PROZ: variants seen among roughly 807,000 people sequenced by gnomAD.
PROZ encodes the protein vitamin K-dependent protein Z.
Under a neutral mutation model 34.9 loss-of-function variants are expected in PROZ, and 46 were observed. The ratio of observed to expected loss-of-function variants is 1.32; its 90% CI spans 1.04 to 1.69. PROZ has a LOEUF of 1.69. PROZ is among the 40% of genes most tolerant of loss of function. The pLI is 0.00. For synonymous variants in PROZ, 195 were observed against 208.5 expected, an observed-to-expected ratio of 0.94 and a Z score of 0.56; for missense variants, 530 against 520.4, an observed-to-expected ratio of 1.02 and a Z score of -0.18.
chr13:113,164,178 C>T (rs1340100615), intron 4 of PROZ, among the ~76,000 whole-genome samples: 3 of 152,024 alleles, frequency 2.0e-5, no homozygotes, highest in Non-Finnish European at 2.9e-5. Context: ...TGGGGTTTCA[C>T]CATGTTGGCC....
chr13:113,160,927 T>G, intron 2 of PROZ, 21 bp from the exon 3 acceptor site: 1 of 1,589,028 alleles, frequency 6.3e-7, no homozygotes, highest in Non-Finnish European at 8.6e-7. Context: ...TTTGTAACAT[T>G]TTTATGTTTT....
intron 3 of PROZ, 131 bp from the exon 4 acceptor site, chr13:113,162,878 C>T (rs1324030358): frequency 1.0e-5 from 7 of 672,132 alleles, no homozygotes; most frequent in African/African-American, 1.9e-5. Flanking sequence ...CTCAGGTCCC[C>T]GTCCCTGCTG....
At chr13:113,160,318 G>A (rs890002632) in intron 2 of PROZ, 141 bp downstream of exon 2, 4 of 1,121,522 alleles carry the variant, frequency 3.6e-6, no homozygotes, top group Non-Finnish European at 5.4e-6. Flanking sequence ...CAGTTTTACA[G>A]ATGAGGAAAC....
chr13:113,165,213 T>C, intron 6 of PROZ, 93 bp downstream of exon 6: 1 of 1,332,916 alleles, frequency 7.5e-7, no homozygotes, highest in Non-Finnish European at 1.1e-6. Flanking sequence ...ACTAAGTGAA[T>C]CAGGCATCCT....
chr13:113,169,683 C>T (rs3024786), intron 6 of PROZ, among the ~76,000 whole-genome samples: 2,786 of 152,342 alleles, frequency 0.018, 40 homozygotes, highest in Non-Finnish European at 0.031. Flanking sequence ...TTCTATGCAT[C>T]CTGCCCCGTG....
chr13:113,161,051 AC>A, intron 3 of PROZ, 79 bp downstream of exon 3: 3 of 1,287,170 alleles, frequency 2.3e-6, no homozygotes, highest in Non-Finnish European at 3.4e-6. Flanking sequence ...ACGCTTCACG[AC>A]CCCAGCTCAG....
At chr13:113,161,518 C>T (rs879039156) in intron 3 of PROZ, among the ~76,000 whole-genome samples, 1 of 152,220 alleles carries the variant, frequency 6.6e-6, no homozygotes, top group African/African-American at 2.4e-5. Context: ...GCTGCAGCCA[C>T]CACCAGACAA....
In PROZ at chr13:113,164,588, G is replaced by A. The variant is rs199965278; in HGVS notation, c.449G>A (p.Cys150Tyr). ...CTCCCAGGACAGGAATCCTACACAT[G>A]CAGCTGTGCTCAGGGCTACAGGCTT... ...FCLPGQESYT[C>Y]SCAQGYRLGE... The change falls in exon 5 of 8, where the codon TGC (cysteine) becomes TAC (tyrosine). Residue 150 changes from cysteine to tyrosine, a missense_variant. Cys to Tyr is a radical substitution (Grantham distance 194). Transcript: ENST00000375547. The A allele has an allele frequency of 5.0e-6, 8 of 1,613,612 alleles. No individual in the cohort carries two copies. The highest frequency in any genetic ancestry group is 6.8e-6 in the Non-Finnish European group (8 of 1,179,990).
At chr13:113,166,033 G>A (rs989475065) in intron 6 of PROZ, 1 of 152,068 alleles carries the variant, frequency 6.6e-6, no homozygotes, top group Non-Finnish European at 1.5e-5. Flanking sequence ...TTGTTATTAT[G>A]GTTTTATACC....
chr13:113,167,958 A>C (rs2036991928), intron 6 of PROZ, among the ~76,000 whole-genome samples: 1 of 151,682 alleles, frequency 6.6e-6, no homozygotes, highest in African/African-American at 2.4e-5. Context: ...CGGTTGCTTC[A>C]CAGTTTGGAG....
intron 6 of PROZ, 156 bp downstream of exon 6, chr13:113,165,276 C>T: frequency 1.3e-6 from 1 of 747,402 alleles, no homozygotes; most frequent in Non-Finnish European, 2.3e-6. Flanking sequence ...CACTTCCAAC[C>T]ATGTTCTAAT....
rs374766035 is a variant in PROZ at position 113,159,665 on chromosome 13, A to C, written c.71-349A>C. On this transcript the variant is annotated intron_variant, in intron 1 of 7. Coordinates refer to ENST00000375547, the MANE Select transcript of PROZ (RefSeq NM_003891.3). The surrounding 1 kb of genome is among the most constrained non-coding windows in gnomAD (Gnocchi z 4.6). ...CAGGAGCTGATGGCTCTTGGTCCCC[A>C]GTTCTCAGTACGGGGACCTTTGACC... Among the ~76,000 whole-genome samples, 267 of 152,338 alleles carry C rather than the reference A, an allele frequency of 1.8e-3. 1 individual carries two copies. Among genetic ancestry groups the C allele is most frequent in the African/African-American group, 6.1e-3 (253 of 41,580 alleles).
In PROZ at chr13:113,160,949, A is replaced by T; in HGVS notation, c.236A>T (p.Asp79Val). 6.2e-7 allele frequency: 1 copy of T among 1,603,950 alleles called. No individual in the cohort carries two copies. Among genetic ancestry groups the T allele is most frequent in the Non-Finnish European group, 8.5e-7 (1 of 1,171,162 alleles). Residue 79 changes from aspartate to valine, a missense_variant and splice_region_variant, in exon 3 of 8, where the codon GAT (aspartate) becomes GTT (valine). Asp to Val is a radical substitution (Grantham distance 152). Coordinates refer to ENST00000375547, the MANE Select transcript of PROZ (RefSeq NM_003891.3). The part of the protein sequence containing the change: ...REVFENEVVT[D>V]EFWRRYKGGS... ...CATTTTTATGTTTTAACTCTAAAGG[A>T]TGAATTCTGGAGACGATATAAGGGT...
rs1364958535 is a variant in PROZ at position 113,159,349 on chromosome 13, CGCCCT to C, written c.70+629_70+633del. 9 of 1,372,428 alleles carry C rather than the reference CGCCCT, an allele frequency of 6.6e-6. 1 individual carries two copies. In the Middle Eastern group the frequency reaches 5.2e-4, roughly 80 times the overall value. 85.0% of individuals were successfully genotyped at this position (1,372,428 alleles called of 1,614,324 possible). ...TCCCACCCTGAGAGGGTGATCCCCC[CGCCCT>C]GCCCTGCCCAGCACTTACCGTAGCC... is the stretch of plus-strand genomic sequence containing the variant. On this transcript the variant is annotated intron_variant, in intron 1 of 7. Coordinates refer to ENST00000375547, the MANE Select transcript of PROZ (RefSeq NM_003891.3). The surrounding 1 kb of genome is among the most constrained non-coding windows in gnomAD (Gnocchi z 4.6).
At position 113,163,017 on chromosome 13, in the gene PROZ, C is replaced by G. The variant is rs372086805; in HGVS notation, c.268C>G (p.Pro90Ala). 488 of 1,553,860 alleles carry G rather than the reference C, an allele frequency of 3.1e-4. 8 individuals carry two copies. The South Asian group carries it at 5.4e-3, about 17-fold the overall frequency. ...CCATCCTCCTCCTGCAGGCGGCTCC[C>G]CGTGCATCTCCCAGCCCTGCCTCCA... ...EFWRRYKGGS[P>A]CISQPCLHNG... Residue 90 changes from proline (P) to alanine (A), a missense_variant, in exon 4 of 8, where the codon CCG (proline) becomes GCG (alanine). Coordinates refer to ENST00000375547, the MANE Select transcript of PROZ (RefSeq NM_003891.3).
Position 113,172,216 on chromosome 13 carries a change from G to A in PROZ, c.*111G>A. On this transcript the variant is annotated 3_prime_UTR_variant, in exon 8 of 8. Transcript: ENST00000375547. ...CATCACACACTGAGAGGCCGTCACA[G>A]CCCCAGACCACCCGCTTGGCCCACG... 1 of 1,452,210 alleles carries A rather than the reference G, an allele frequency of 6.9e-7. No individual in the cohort carries two copies. The highest frequency in any genetic ancestry group is 9.4e-7 in the Non-Finnish European group (1 of 1,066,830). The allele number at this position is 1,452,210 out of a possible 1,614,324, so 90.0% of individuals were successfully genotyped here. A position where few individuals can be genotyped will look rare whatever the true frequency, so the allele number is the denominator to read the frequency against.
Position 113,171,604 on chromosome 13 carries a change from A to C in PROZ, c.702A>C (p.Arg234Ser). The change falls in exon 8 of 8, where the codon AGA becomes AGC. Residue 234 changes from arginine (R) to serine (S), a missense_variant. Physicochemically the swap from Arg to Ser is moderately radical, Grantham distance 110 (BLOSUM62 -1). Transcript: ENST00000375547. This position sits in a 1 kb window ranked among gnomAD's most constrained non-coding sequence, Gnocchi z 5.1. ...TGTTCATGATTTCAGATTTTAACAGAACGAGCCAAGACCCGCTGATGATCA... is the reference window on the plus strand; with the variant it reads ...TGTTCATGATTTCAGATTTTAACAGCACGAGCCAAGACCCGCTGATGATCA... The part of the protein sequence containing the change: ...RNITVKTYFN[R>S]TSQDPLMIKI... 1 of 1,614,140 alleles carries C rather than the reference A, an allele frequency of 6.2e-7. No homozygotes were observed. Among genetic ancestry groups the C allele is most frequent in the Non-Finnish European group, 8.5e-7 (1 of 1,180,034 alleles).
chr13:113,172,091 C>A lies in PROZ; in HGVS notation c.1189C>A (p.Gln397Lys), dbSNP rs202097128. 22 of 1,612,678 alleles carry A rather than the reference C, an allele frequency of 1.4e-5. No individual in the cohort carries two copies. The highest frequency in any genetic ancestry group is 1.8e-5 in the Non-Finnish European group (21 of 1,179,984). Residue 397 changes from glutamine (Q) to lysine (K), a missense_variant, in exon 8 of 8, where the codon CAG (glutamine) becomes AAG (lysine). Physicochemically the swap from Gln to Lys is moderately conservative, Grantham distance 53. Coordinates refer to ENST00000375547, the MANE Select transcript of PROZ (RefSeq NM_003891.3). ...CTCCAGGTACTCACTCTGGTTTAAA[C>A]AGATCATGAACTAACTGAAACTCAG... is the stretch of plus-strand genomic sequence containing the variant. ...KVSRYSLWFK[Q>K]IMN
rs539652295 is a variant in PROZ at position 113,164,445 on chromosome 13, T to G, written c.374-68T>G. 64 of 1,560,958 alleles carry G rather than the reference T, an allele frequency of 4.1e-5. No individual in the cohort carries two copies. In the Admixed American group the frequency reaches 1.0e-3, roughly 25 times the overall value. ...ATGAACATGGACCAACACACAGAAC[T>G]GTGTGCAAGGCTGTGATAAAATGAC... On this transcript the variant is annotated intron_variant, in intron 4 of 7. Coordinates refer to ENST00000375547, the MANE Select transcript of PROZ (RefSeq NM_003891.3).
Sources: gnomAD v4.1 joint callset for allele counts (sites outside exome capture counted in the v4.1 genomes callset) on GRCh38, gnomAD v4.1.1 for gene constraint, Gnocchi (gnomAD v3.1) non-coding constraint, MANE v1.5 for transcripts, NCBI Gene and HGNC (gene_info 2026-07-23, HGNC 2026-07-21) for gene names.